Variants in ZCCHC4 observed in about 807,000 individuals in gnomAD.
The protein encoded by ZCCHC4 is zinc finger CCHC-type containing 4.
A neutral mutation model predicts 67.7 loss-of-function variants in ZCCHC4; 54 were observed. That is an observed-to-expected ratio of 0.80 (90% CI 0.64 to 1.00). ZCCHC4 has a LOEUF of 1.00. Ranked by LOEUF, ZCCHC4 falls within the 50% of genes least tolerant of loss-of-function variation. The pLI, the probability that ZCCHC4 is intolerant of heterozygous loss-of-function variation, is 0.00. For missense variants in ZCCHC4, 609 were observed against 617.0 expected (o/e 0.99, Z 0.14); for synonymous variants, 198 against 213.5 (o/e 0.93, Z 0.63).
intron 5 of ZCCHC4, among the ~76,000 whole-genome samples, chr4:25,343,124 T>A (rs1276081242): frequency 2.0e-5 from 3 of 152,302 alleles, no homozygotes; most frequent in African/African-American, 4.8e-5. Context: ...ACACTTTTTT[T>A]AAAGGCAGTT....
At chr4:25,330,143 A>AATT (rs1719105416) in intron 3 of ZCCHC4, among the ~76,000 whole-genome samples, 1 of 151,898 alleles carries the variant, frequency 6.6e-6, no homozygotes, top group South Asian at 2.1e-4. Context: ...GGTGTGCTCC[A>AATT]CCACGCCTGG....
At chr4:25,344,425 A>G (rs2109076162) in intron 5 of ZCCHC4, among the ~76,000 whole-genome samples, 1 of 138,084 alleles carries the variant, frequency 7.2e-6, no homozygotes, top group East Asian at 2.2e-4. Context: ...GAACACATGG[A>G]CACAGGAAGG....
intron 3 of ZCCHC4, among the ~76,000 whole-genome samples, chr4:25,317,668 A>ACACTC (rs1718328162): frequency 6.9e-6 from 1 of 144,378 alleles, no homozygotes; most frequent in African/African-American, 2.6e-5. Flanking sequence ...TCGTGCGACT[A>ACACTC]CACTCCAGCC....
At chr4:25,364,223 TCTC>T (rs1256724468) in intron 10 of ZCCHC4, among the ~76,000 whole-genome samples, 1 of 152,090 alleles carries the variant, frequency 6.6e-6, no homozygotes, top group African/African-American at 2.4e-5. Context: ...TTTAGATAAA[TCTC>T]CTAGTTTTAC....
intron 3 of ZCCHC4, among the ~76,000 whole-genome samples, chr4:25,324,515 A>G (rs1166823443): frequency 3.9e-5 from 6 of 152,198 alleles, no homozygotes; most frequent in Non-Finnish European, 1.5e-5. Context: ...GCTGCTATGA[A>G]CATTTATGTA....
intron 3 of ZCCHC4, among the ~76,000 whole-genome samples, chr4:25,332,201 G>A (rs1719217649): frequency 6.6e-6 from 1 of 151,428 alleles, no homozygotes; most frequent in Admixed American, 6.6e-5. Flanking sequence ...CCAGCTACTT[G>A]GGAGGCCCAG....
Position 25,369,551 on chromosome 4 carries a change from A to G in ZCCHC4, c.*387A>G, listed in dbSNP as rs1210378794. ...CGGGTTCAAGCAATTCTCCTGCCTT[A>G]GCCTCCTGAGTAGCTGGAATTATAG... On this transcript the variant is annotated 3_prime_UTR_variant, in exon 13 of 13. Coordinates refer to ENST00000302874, the MANE Select transcript of ZCCHC4 (RefSeq NM_024936.3). 3 of 177,196 alleles carry G rather than the reference A, an allele frequency of 1.7e-5. No individual in the cohort carries two copies. The highest frequency in any genetic ancestry group is 7.2e-5 in the African/African-American group (3 of 41,662). The allele number at this position is 177,196 out of a possible 1,614,324, so 11.0% of individuals were successfully genotyped here. A position where few individuals can be genotyped will look rare whatever the true frequency, so the allele number is the denominator to read the frequency against.
At chr4:25,318,869 A>G (rs1175583450) in intron 3 of ZCCHC4, among the ~76,000 whole-genome samples, 1 of 152,078 alleles carries the variant, frequency 6.6e-6, no homozygotes. Context: ...GCTTTTCAAT[A>G]TCTTAAACCA....
rs904074042 is a variant in ZCCHC4 at position 25,359,020 on chromosome 4, G to A, written c.1012-2839G>A. ...CACTTGGCGTGACAATTGACATCAC[G>A]AACAGGATACTGAGGAGAGTGAGCC... is the stretch of plus-strand genomic sequence containing the variant. On this transcript the variant is annotated intron_variant, in intron 8 of 12. Transcript: ENST00000302874. This position sits in a 1 kb window ranked among gnomAD's most constrained non-coding sequence, Gnocchi z 4.9. 6.6e-6 allele frequency among the ~76,000 whole-genome samples: 1 copy of A among 152,140 alleles called. No individual in the cohort carries two copies. The highest frequency in any genetic ancestry group is 1.5e-5 in the Non-Finnish European group (1 of 68,040).
Position 25,364,496 on chromosome 4 carries a change from G to T in ZCCHC4, c.1252G>T (p.Val418Leu), listed in dbSNP as rs1056820912. The change falls in exon 11 of 13, where the codon GTA becomes TTA. Residue 418 changes from valine (V) to leucine (L), a missense_variant. Val to Leu is a conservative substitution (Grantham distance 32). Coordinates refer to ENST00000302874, the MANE Select transcript of ZCCHC4 (RefSeq NM_024936.3). ...CCATTGCTTTCTCTGTAAAAAGTGT[G>T]TAAAGCCTTGTAAGTATTGAGACTT... ...WNHCFLCKKC[V>L]KPSWIHCSIC... is the part of the protein sequence containing the mutation. 5.1e-6 allele frequency: 8 copies of T among 1,555,584 alleles called. No individual in the cohort carries two copies. In the East Asian group the frequency reaches 1.9e-4, roughly 37 times the overall value.
chr4:25,326,814 A>G (rs1174253822), intron 3 of ZCCHC4, among the ~76,000 whole-genome samples: 2 of 152,162 alleles, frequency 1.3e-5, no homozygotes, highest in Non-Finnish European at 2.9e-5. Flanking sequence ...TGAGTTTTCT[A>G]GTCTGTGACT....
At chr4:25,316,742 A>G (rs1007371432) in intron 3 of ZCCHC4, among the ~76,000 whole-genome samples, 5 of 152,086 alleles carry the variant, frequency 3.3e-5, no homozygotes, top group African/African-American at 4.8e-5. Context: ...ATTTGCAAAT[A>G]TTTTCTCCTA....
intron 3 of ZCCHC4, among the ~76,000 whole-genome samples, chr4:25,323,496 C>CT (rs1198451680): frequency 6.6e-6 from 1 of 151,952 alleles, no homozygotes; most frequent in African/African-American, 2.4e-5. Context: ...TGATATAGCA[C>CT]TTTTGGAATT....
chr4:25,326,233 T>C (rs1212285548), intron 3 of ZCCHC4, among the ~76,000 whole-genome samples: 1 of 152,256 alleles, frequency 6.6e-6, no homozygotes, highest in Non-Finnish European at 1.5e-5. Context: ...TCCGTTTTTA[T>C]AGCACATCAC....
chr4:25,347,383 G>A (rs1341579970), intron 6 of ZCCHC4, among the ~76,000 whole-genome samples: 3 of 152,098 alleles, frequency 2.0e-5, no homozygotes, highest in Non-Finnish European at 4.4e-5. Flanking sequence ...TACCTTATAA[G>A]TTTCTACAAT....
At chr4:25,328,863 G>A (rs574863221) in intron 3 of ZCCHC4, among the ~76,000 whole-genome samples, 3 of 152,294 alleles carry the variant, frequency 2.0e-5, no homozygotes, top group African/African-American at 7.2e-5. Flanking sequence ...GATTACAGGT[G>A]TGACCCACTG....
In ZCCHC4 at chr4:25,370,133, T is replaced by G. The variant is rs1162381158; in HGVS notation, c.*969T>G. On this transcript the variant is annotated 3_prime_UTR_variant, in exon 13 of 13. Transcript: ENST00000302874. ...TTAGAACTACGACTTGCTCTGTCAT[T>G]CCAGTGTCGTTTAACCTATGCAGTA... is the stretch of plus-strand genomic sequence containing the variant. The G allele has an allele frequency of 6.6e-6, 1 of 152,222 alleles. No homozygotes were observed. Among genetic ancestry groups the G allele is most frequent in the Non-Finnish European group, 1.5e-5 (1 of 68,036 alleles). The allele number at this position is 152,222 out of a possible 1,614,324, so 9.4% of individuals were successfully genotyped here.
In ZCCHC4 at chr4:25,342,721, T is replaced by C. The variant is rs144558868; in HGVS notation, c.687-2827T>C. Among the ~76,000 whole-genome samples the C allele has an allele frequency of 3.2e-3, 495 of 152,322 alleles. 1 individual carries two copies. The highest frequency in any genetic ancestry group is 0.011 in the African/African-American group (478 of 41,578). On this transcript the variant is annotated intron_variant, in intron 5 of 12. Transcript: ENST00000302874. Reference sequence around the variant, plus strand: ...TTTCTGATTGGTTTTGTTTGCCTTATTCAATGGAGAGAATAATTCTTTGTG... The same window carrying C: ...TTTCTGATTGGTTTTGTTTGCCTTACTCAATGGAGAGAATAATTCTTTGTG...
rs1721059841 is a variant in ZCCHC4 at position 25,369,300 on chromosome 4, A to G, written c.*136A>G. 3.2e-6 allele frequency: 4 copies of G among 1,261,614 alleles called. No individual in the cohort carries two copies. The highest frequency in any genetic ancestry group is 4.4e-6 in the Non-Finnish European group (4 of 910,356). 78.2% of individuals were successfully genotyped at this position (1,261,614 alleles called of 1,614,324 possible). On this transcript the variant is annotated 3_prime_UTR_variant, in exon 13 of 13. Coordinates refer to ENST00000302874, the MANE Select transcript of ZCCHC4 (RefSeq NM_024936.3). Reference sequence around the variant, plus strand: ...CTGAGCTAGATAACAGGCAGGTGGCATTTGCTGGTTTACAGTCCCTTATCT... The same window carrying G: ...CTGAGCTAGATAACAGGCAGGTGGCGTTTGCTGGTTTACAGTCCCTTATCT...
Sources: gnomAD v4.1 joint callset for allele counts (sites outside exome capture counted in the v4.1 genomes callset) on GRCh38, gnomAD v4.1.1 for gene constraint, Gnocchi (gnomAD v3.1) non-coding constraint, MANE v1.5 for transcripts, NCBI Gene and HGNC (gene_info 2026-07-23, HGNC 2026-07-21) for gene names.